PEX14: variants seen among roughly 807,000 people sequenced by gnomAD.
PEX14 encodes the protein peroxisomal membrane protein PEX14.
In PEX14, 15 loss-of-function variants were observed where a neutral mutation model predicts 49.5. The observed-to-expected ratio is 0.30, with a 90% CI of 0.20 to 0.47. PEX14 has a LOEUF of 0.47. Ranked by LOEUF, PEX14 falls within the 20% of genes least tolerant of loss-of-function variation. PEX14 has a pLI of 1.00. For missense variants in PEX14, 398 were observed against 494.8 expected (o/e 0.80, Z 1.86); for synonymous variants, 210 against 212.7 (o/e 0.99, Z 0.11).
At chr1:10,609,250 C>T (rs1428712717) in intron 4 of PEX14, among the ~76,000 whole-genome samples, 2 of 152,140 alleles carry the variant, frequency 1.3e-5, no homozygotes, top group Non-Finnish European at 2.9e-5. Context: ...TGTGGACATA[C>T]GTTTTCATTC....
chr1:10,548,268 C>T (rs1639232503), intron 3 of PEX14, among the ~76,000 whole-genome samples: 1 of 152,062 alleles, frequency 6.6e-6, no homozygotes, highest in Non-Finnish European at 1.5e-5. Context: ...CTTATCTGGC[C>T]TCACTTAGGG....
chr1:10,490,504 G>A (rs1641452416), intron 1 of PEX14, among the ~76,000 whole-genome samples: 1 of 152,146 alleles, frequency 6.6e-6, no homozygotes, highest in African/African-American at 2.4e-5. Context: ...GAGCACCTTT[G>A]TCTCTACCAA....
chr1:10,538,195 G>A (rs769085861), intron 3 of PEX14, among the ~76,000 whole-genome samples: 3 of 152,222 alleles, frequency 2.0e-5, no homozygotes, highest in Non-Finnish European at 4.4e-5. Flanking sequence ...GCAGGGAGCC[G>A]GGGTGAGGAA....
intron 3 of PEX14, among the ~76,000 whole-genome samples, chr1:10,577,747 C>T (rs1316161079): frequency 1.4e-5 from 2 of 147,924 alleles, no homozygotes; most frequent in Non-Finnish European, 3.0e-5. Context: ...ACTACAGGTA[C>T]CTGCCACCAT....
rs1444329839 is a variant in PEX14 at position 10,539,849 on chromosome 1, G to A, written c.169+3552G>A. On this transcript the variant is annotated intron_variant, in intron 3 of 8. Transcript: ENST00000356607. The surrounding 1 kb of genome is among the most constrained non-coding windows in gnomAD (Gnocchi z 4.6). ...GGGTAATAGTGATGCTTGCTTGTGA[G>A]GGGGGTGAGGTGGGGGAGGGGGATA... Among the ~76,000 whole-genome samples the A allele has an allele frequency of 3.3e-5, 5 of 150,064 alleles. No homozygotes were observed. Among genetic ancestry groups the A allele is most frequent in the Admixed American group, 1.3e-4 (2 of 15,106 alleles).
intron 4 of PEX14, among the ~76,000 whole-genome samples, chr1:10,608,487 C>T (rs1035075562): frequency 6.6e-6 from 1 of 151,910 alleles, no homozygotes; most frequent in Non-Finnish European, 1.5e-5. Context: ...CATGGTGAAA[C>T]CCGGTCTCTA....
rs894211686 is a variant in PEX14 at position 10,512,482 on chromosome 1, C to T, written c.84+17161C>T. 5.3e-5 allele frequency among the ~76,000 whole-genome samples: 8 copies of T among 152,102 alleles called. No individual in the cohort carries two copies. The highest frequency in any genetic ancestry group is 1.9e-4 in the African/African-American group (8 of 41,414). On this transcript the variant is annotated intron_variant, in intron 2 of 8. Coordinates refer to ENST00000356607, the MANE Select transcript of PEX14 (RefSeq NM_004565.3). This position sits in a 1 kb window ranked among gnomAD's most constrained non-coding sequence, Gnocchi z 4.6. Reference sequence around the variant, plus strand: ...GAAGGTGGGGTGGATCCCTGATGTTCGCCTGCTTTGAAGCATAGCAGAATC... The same window carrying T: ...GAAGGTGGGGTGGATCCCTGATGTTTGCCTGCTTTGAAGCATAGCAGAATC...
intron 2 of PEX14, among the ~76,000 whole-genome samples, chr1:10,527,515 CAA>C (rs1032596691): frequency 1.0e-4 from 9 of 89,092 alleles, no homozygotes; most frequent in Admixed American, 2.1e-4. Context: ...GACTCTGTCT[CAA>C]AAAAAAAAAA....
chr1:10,582,084 A>G (rs1205717991), intron 3 of PEX14, among the ~76,000 whole-genome samples: 10 of 152,032 alleles, frequency 6.6e-5, no homozygotes, highest in Non-Finnish European at 1.3e-4. Flanking sequence ...TAGACATTTT[A>G]ATTTTATTTC....
intron 3 of PEX14, among the ~76,000 whole-genome samples, chr1:10,556,193 C>T (rs1271745760): frequency 6.6e-6 from 1 of 152,088 alleles, no homozygotes; most frequent in Non-Finnish European, 1.5e-5. Flanking sequence ...CCTGCCTGCC[C>T]CTTCAGCAGC....
At chr1:10,555,814 A>C (rs898817982) in intron 3 of PEX14, among the ~76,000 whole-genome samples, 1 of 152,178 alleles carries the variant, frequency 6.6e-6, no homozygotes, top group African/African-American at 2.4e-5. Context: ...TCCGGGCCTC[A>C]CCTGTGGCCG....
chr1:10,610,542 C>A (rs552870115), intron 4 of PEX14, among the ~76,000 whole-genome samples: 1 of 151,484 alleles, frequency 6.6e-6, no homozygotes, highest in Admixed American at 6.6e-5. Flanking sequence ...AGTGCAATGG[C>A]GTGATCTTGG....
chr1:10,601,513 A>C lies in PEX14; in HGVS notation c.298+2147A>C, dbSNP rs947165427. On this transcript the variant is annotated intron_variant, in intron 4 of 8. Transcript: ENST00000356607. ...TTGGAATCTGCTGTCTGTGTTACGG[A>C]TCTTATTTAGAGATCTCCTCCTTTG... Among the ~76,000 whole-genome samples the C allele has an allele frequency of 9.2e-5, 14 of 151,998 alleles. 1 individual carries two copies. The highest frequency in any genetic ancestry group is 9.2e-4 in the Admixed American group (14 of 15,262).
chr1:10,612,238 A>C (rs1362442262), intron 4 of PEX14, among the ~76,000 whole-genome samples: 1 of 152,150 alleles, frequency 6.6e-6, no homozygotes, highest in Non-Finnish European at 1.5e-5. Context: ...TGGCTGTTGC[A>C]AAAATTATCC....
chr1:10,574,770 T>C (rs981917605), intron 3 of PEX14, among the ~76,000 whole-genome samples: 2 of 151,652 alleles, frequency 1.3e-5, no homozygotes, highest in African/African-American at 4.9e-5. Context: ...CACAGGAAAG[T>C]TGAAAATAAG....
At chr1:10,563,905 G>A in intron 3 of PEX14, among the ~76,000 whole-genome samples, 1 of 115,882 alleles carries the variant, frequency 8.6e-6, no homozygotes, top group Admixed American at 1.0e-4. Flanking sequence ...AGCAAGACTC[G>A]GTCTCAAAAA....
At chr1:10,520,792 G>A (rs1164942517) in intron 2 of PEX14, among the ~76,000 whole-genome samples, 1 of 152,174 alleles carries the variant, frequency 6.6e-6, no homozygotes, top group East Asian at 1.9e-4. Flanking sequence ...ATGTTTATGA[G>A]CCTTTATTAT....
chr1:10,487,481 C>CTTTTTTTTTTTTTTTTTTTTTTTT (rs33968565), intron 1 of PEX14, among the ~76,000 whole-genome samples: 22 of 86,756 alleles, frequency 2.5e-4, no homozygotes, highest in South Asian at 4.5e-4. Context: ...TTCTTTCTTT[C>CTTTTTTTTTTTTTTTTTTTTTTTT]TTTTTTTTTT....
At chr1:10,587,788 T>C (rs1026770322) in intron 3 of PEX14, among the ~76,000 whole-genome samples, 1 of 151,320 alleles carries the variant, frequency 6.6e-6, no homozygotes, top group Non-Finnish European at 1.5e-5. Context: ...TAATATGGAG[T>C]ATCCTCCAAG....
Sources: allele counts gnomAD v4.1 joint callset (sites outside exome capture counted in the v4.1 genomes callset), GRCh38; gene constraint gnomAD v4.1.1; non-coding constraint Gnocchi (gnomAD v3.1); transcripts MANE v1.5; gene names NCBI Gene and HGNC (gene_info 2026-07-23, HGNC 2026-07-21).